The following SYBU variants were observed in gnomAD, a reference collection of about 807,000 sequenced individuals.
SYBU encodes syntabulin.
A neutral mutation model predicts 35.9 loss-of-function variants in SYBU; 21 were observed. The ratio of observed to expected loss-of-function variants is 0.58; its 90% CI spans 0.41 to 0.84. The LOEUF (loss-of-function observed/expected upper bound fraction) is 0.84, where lower values mean the gene tolerates loss of function less well. Among genes scored for constraint, SYBU ranks in the 40% least tolerant of loss-of-function variants. SYBU has a pLI of 0.00. For synonymous variants in SYBU, 319 were observed against 324.3 expected (o/e 0.98, Z 0.18); for missense variants, 768 against 848.2 (o/e 0.91, Z 1.17).
chr8:109,645,069 C>T (rs1470975458), upstream of SYBU: 3 of 496,190 alleles, frequency 6.0e-6, no homozygotes, highest in Non-Finnish European at 1.2e-5. Flanking sequence ...AGCGGCATCT[C>T]CAGCCCAGGG....
chr8:109,690,834 A>C (rs1817629048), intron 1 of SYBU, among the ~76,000 whole-genome samples: 1 of 152,130 alleles, frequency 6.6e-6, no homozygotes, highest in Non-Finnish European at 1.5e-5. Flanking sequence ...GTCTTTAAGA[A>C]AGTTTCTCCA....
intron 3 of SYBU, among the ~76,000 whole-genome samples, chr8:109,618,414 AC>A (rs1812055973): frequency 6.6e-6 from 1 of 152,200 alleles, no homozygotes; most frequent in Non-Finnish European, 1.5e-5. Flanking sequence ...GCCCAGCTCT[AC>A]ATATTTGCAT....
At chr8:109,606,480 G>C (rs1338280903) in intron 3 of SYBU, among the ~76,000 whole-genome samples, 1 of 152,112 alleles carries the variant, frequency 6.6e-6, no homozygotes, top group Admixed American at 6.5e-5. Flanking sequence ...ATACTATGCT[G>C]GTTTTTAGAG....
chr8:109,660,446 G>A (rs1296550157), intron 1 of SYBU, among the ~76,000 whole-genome samples: 2 of 151,922 alleles, frequency 1.3e-5, no homozygotes, highest in Non-Finnish European at 2.9e-5. Context: ...TATTCACACT[G>A]GCCATTTTTC....
intron 3 of SYBU, among the ~76,000 whole-genome samples, chr8:109,590,246 G>T (rs1178114748): frequency 1.3e-5 from 2 of 152,158 alleles, no homozygotes; most frequent in East Asian, 3.8e-4. Flanking sequence ...AACTGCTAAG[G>T]CTTGGGGGGC....
intron 1 of SYBU, among the ~76,000 whole-genome samples, chr8:109,658,932 G>A (rs868684986): frequency 2.6e-5 from 4 of 151,922 alleles, no homozygotes; most frequent in African/African-American, 4.8e-5. Context: ...CTCAAGCCTG[G>A]GAGACAGAGC....
intron 3 of SYBU, 83 bp from the exon 4 acceptor site, chr8:109,586,245 T>C (rs1171880569): frequency 9.9e-7 from 1 of 1,014,266 alleles, no homozygotes; most frequent in East Asian, 2.6e-5. Flanking sequence ...TCCAGGTCCC[T>C]GCTCCCTGCG....
chr8:109,623,363 G>A (rs866178569), intron 2 of SYBU, among the ~76,000 whole-genome samples: 23 of 152,064 alleles, frequency 1.5e-4, no homozygotes, highest in Middle Eastern at 3.2e-3. Flanking sequence ...TTTTGTTGTT[G>A]TTCTTGTTCA....
At chr8:109,593,281 T>C (rs544775880) in intron 3 of SYBU, among the ~76,000 whole-genome samples, 14 of 152,310 alleles carry the variant, frequency 9.2e-5, no homozygotes, top group South Asian at 2.1e-4. Flanking sequence ...TTCAGTGCGA[T>C]GTGAACAATG....
intron 2 of SYBU, among the ~76,000 whole-genome samples, chr8:109,621,703 T>C (rs1812421249): frequency 6.6e-6 from 1 of 152,186 alleles, no homozygotes; most frequent in Non-Finnish European, 1.5e-5. Flanking sequence ...TTACAATGCA[T>C]AGTTATTGTA....
intron 1 of SYBU, among the ~76,000 whole-genome samples, chr8:109,652,088 A>C (rs1816166396): frequency 6.6e-6 from 1 of 152,224 alleles, no homozygotes. Flanking sequence ...AAAGATGAAC[A>C]ATGATTGCTG....
chr8:109,614,922 T>A (rs537256483), intron 3 of SYBU, among the ~76,000 whole-genome samples: 1 of 152,360 alleles, frequency 6.6e-6, no homozygotes, highest in East Asian at 1.9e-4. Flanking sequence ...GCTTTCCTGC[T>A]GCGTGTGCTG....
Position 109,691,394 on chromosome 8 carries a change from G to C in SYBU, c.-119C>G, listed in dbSNP as rs1426449447. ...GGAGGAGGCACCTACGTGCGCCCGG[G>C]AGACCGGGCCCCGGCTGGGCCGGGT... On this transcript the variant is annotated 5_prime_UTR_variant, in exon 1 of 8. Transcript: ENST00000422135. The surrounding 1 kb of genome is among the most constrained non-coding windows in gnomAD (Gnocchi z 4.7). The C allele has an allele frequency of 1.6e-5, 11 of 692,832 alleles. No homozygotes were observed. The East Asian group carries it at 3.1e-4, about 19-fold the overall frequency. The allele number at this position is 692,832 out of a possible 1,614,324, so 42.9% of individuals were successfully genotyped here.
At chr8:109,633,894 C>T (rs2130552208) in intron 2 of SYBU, among the ~76,000 whole-genome samples, 1 of 150,812 alleles carries the variant, frequency 6.6e-6, no homozygotes, top group Non-Finnish European at 1.5e-5. Context: ...CCACCACACC[C>T]AGCTAATTTT....
chr8:109,612,940 A>G (rs1185300645), intron 3 of SYBU, among the ~76,000 whole-genome samples: 2 of 150,378 alleles, frequency 1.3e-5, no homozygotes, highest in Non-Finnish European at 3.0e-5. Context: ...AGACTGCGCC[A>G]CTGCACTCCA....
intron 3 of SYBU, among the ~76,000 whole-genome samples, chr8:109,605,339 C>T (rs749761614): frequency 3.3e-5 from 5 of 152,172 alleles, no homozygotes; most frequent in South Asian, 2.1e-4. Flanking sequence ...TCTAGCTAGG[C>T]CATCTGAGTG....
chr8:109,575,692 G>A lies in SYBU; in HGVS notation c.1206C>T (p.Thr402=). ...CCATTGTGTCAAGAGGGGGGTTGAG[G>A]GTTAAGCTCTTCTCTGGGGAATCAC... The part of the protein sequence containing the change: ...FPCDSPEKSL[T]LNPPLDTMAD... Residue 402 remains threonine (T), a synonymous_variant, in exon 7 of 7, where the codon ACC becomes ACT. Coordinates refer to ENST00000276646, the MANE Select transcript of SYBU (RefSeq NM_001099754.2). 1 of 1,614,068 alleles carries A rather than the reference G, an allele frequency of 6.2e-7. No individual in the cohort carries two copies. Among genetic ancestry groups the A allele is most frequent in the East Asian group, 2.2e-5 (1 of 44,884 alleles).
chr8:109,587,240 CA>C (rs1318334435), intron 3 of SYBU, among the ~76,000 whole-genome samples: 2 of 152,170 alleles, frequency 1.3e-5, no homozygotes, highest in African/African-American at 4.8e-5. Flanking sequence ...GATTTTCTAA[CA>C]AGCAGTGAAC....
intron 2 of SYBU, among the ~76,000 whole-genome samples, chr8:109,622,128 T>C (rs1335793504): frequency 6.6e-6 from 1 of 152,064 alleles, no homozygotes; most frequent in African/African-American, 2.4e-5. Context: ...TGAGATTCTT[T>C]TTTTTTCAAG....
Sources: allele counts gnomAD v4.1 joint callset (sites outside exome capture counted in the v4.1 genomes callset), GRCh38; gene constraint gnomAD v4.1.1; non-coding constraint Gnocchi (gnomAD v3.1); transcripts MANE v1.5; gene names NCBI Gene and HGNC (gene_info 2026-07-23, HGNC 2026-07-21).